ARHGEF26: variants seen among roughly 807,000 people sequenced by gnomAD.
ARHGEF26 encodes the protein Rho guanine nucleotide exchange factor (GEF) 26.
In ARHGEF26, 59 loss-of-function variants were observed where a neutral mutation model predicts 89.4. The ratio of observed to expected loss-of-function variants is 0.66; its 90% CI spans 0.54 to 0.82. ARHGEF26 has a LOEUF of 0.82. Among genes scored for constraint, ARHGEF26 ranks in the 40% least tolerant of loss-of-function variants. ARHGEF26 has a pLI of 0.00. For synonymous variants in ARHGEF26, 500 were observed against 428.4 expected, an observed-to-expected ratio of 1.17 and a Z score of -2.06; for missense variants, 1,234 against 1,085.6, an observed-to-expected ratio of 1.14 and a Z score of -1.92.
chr3:154,124,550 A>G, intron 3 of ARHGEF26, 101 bp downstream of exon 3: 1 of 1,052,954 alleles, frequency 9.5e-7, no homozygotes. Context: ...ACGATGAGAA[A>G]TATGTCCAAC....
chr3:154,200,727 A>G (rs1005091584), intron 9 of ARHGEF26, among the ~76,000 whole-genome samples: 2 of 151,648 alleles, frequency 1.3e-5, no homozygotes, highest in African/African-American at 4.8e-5. Flanking sequence ...ATCCATGAAC[A>G]TGGAATATTT....
chr3:154,150,058 TTGTG>T (rs10616486), intron 5 of ARHGEF26, among the ~76,000 whole-genome samples: 13 of 147,786 alleles, frequency 8.8e-5, no homozygotes, highest in South Asian at 2.2e-4. Context: ...CTGCATATTA[TTGTG>T]TGTGTGTGTG....
chr3:154,133,500 G>T (rs1167330693), intron 4 of ARHGEF26, among the ~76,000 whole-genome samples: 3 of 151,386 alleles, frequency 2.0e-5, no homozygotes, highest in Non-Finnish European at 3.0e-5. Flanking sequence ...TGGCAGGTTT[G>T]TAGAAGATCA....
Position 154,257,007 on chromosome 3 carries a change from C to CAA in ARHGEF26, c.*1536_*1537dup. On this transcript the variant is annotated 3_prime_UTR_variant, in exon 15 of 15. Transcript: ENST00000465093. The stretch of plus-strand genomic sequence containing the variant: ...GCTTTAACAAAGGGATAAAACCTGG[C>CAA]AAAGTGTACATTATTGGAGGACTCA... 6.7e-7 allele frequency: 1 copy of CAA among 1,501,598 alleles called. No individual in the cohort carries two copies. Among genetic ancestry groups the CAA allele is most frequent in the Non-Finnish European group, 8.8e-7 (1 of 1,132,034 alleles). 93.0% of individuals were successfully genotyped at this position (1,501,598 alleles called of 1,614,324 possible).
intron 11 of ARHGEF26, among the ~76,000 whole-genome samples, chr3:154,227,740 A>T (rs1006938684): frequency 4.3e-4 from 65 of 152,340 alleles, no homozygotes; most frequent in African/African-American, 1.5e-3. Context: ...AGAACTCTTG[A>T]CTTTTAACAT....
intron 4 of ARHGEF26, among the ~76,000 whole-genome samples, chr3:154,137,162 A>G (rs1719058628): frequency 6.6e-6 from 1 of 152,206 alleles, no homozygotes; most frequent in African/African-American, 2.4e-5. Context: ...AAGTAATTAG[A>G]TCATGAGGGC....
chr3:154,204,008 T>G lies in ARHGEF26; in HGVS notation c.1845+9290T>G, dbSNP rs1714841388. Among the ~76,000 whole-genome samples the G allele has an allele frequency of 2.0e-5, 3 of 152,250 alleles. 1 individual carries two copies. Among genetic ancestry groups the G allele is most frequent in the South Asian group, 4.1e-4 (2 of 4,826 alleles). On this transcript the variant is annotated intron_variant, in intron 9 of 14. Transcript: ENST00000465093. ...TTTTGGTATCACGGAAATATTGGCC[T>G]TGTAGAATTAGTTTGGAAGTATTCC...
chr3:154,124,476 A>G, intron 3 of ARHGEF26, 27 bp downstream of exon 3: 1 of 1,523,574 alleles, frequency 6.6e-7, no homozygotes, highest in Non-Finnish European at 8.8e-7. Flanking sequence ...CCAAACTTTC[A>G]TTGCTGTTTC....
chr3:154,250,230 T>C (rs894354679), intron 12 of ARHGEF26, among the ~76,000 whole-genome samples: 1 of 152,146 alleles, frequency 6.6e-6, no homozygotes, highest in Non-Finnish European at 1.5e-5. Context: ...GGTTTCTCCA[T>C]GTTGGTCAGG....
At position 154,256,667 on chromosome 3, in the gene ARHGEF26, G is replaced by T; in HGVS notation, c.*1194G>T. The T allele has an allele frequency of 1.8e-6, 2 of 1,115,232 alleles. No homozygotes were observed. Among genetic ancestry groups the T allele is most frequent in the Non-Finnish European group, 1.1e-6 (1 of 917,528 alleles). The allele number at this position is 1,115,232 out of a possible 1,614,324, so 69.1% of individuals were successfully genotyped here. On this transcript the variant is annotated 3_prime_UTR_variant, in exon 15 of 15. Transcript: ENST00000465093. Reference sequence around the variant, plus strand: ...AGCTGTTCCAACTCGTTTCCAAATAGAAATTAGCTGGAACACACTACAGTA... The same window carrying T: ...AGCTGTTCCAACTCGTTTCCAAATATAAATTAGCTGGAACACACTACAGTA...
At chr3:154,124,703 C>A (rs572157175) in intron 3 of ARHGEF26, among the ~76,000 whole-genome samples, 1 of 152,084 alleles carries the variant, frequency 6.6e-6, no homozygotes, top group African/African-American at 2.4e-5. Context: ...TTCTTCTCTA[C>A]CTTGGCTCCA....
At chr3:154,226,076 G>A (rs1716467090) in intron 11 of ARHGEF26, 66 bp downstream of exon 11, 1 of 1,360,974 alleles carries the variant, frequency 7.3e-7, no homozygotes, top group South Asian at 1.6e-5. Flanking sequence ...TCAGATGCCT[G>A]TTAGGGTGAT....
chr3:154,127,934 TTA>T (rs911730446), intron 3 of ARHGEF26, among the ~76,000 whole-genome samples: 2 of 152,194 alleles, frequency 1.3e-5, no homozygotes, highest in Non-Finnish European at 2.9e-5. Context: ...CGTGACTGTA[TTA>T]TGTTTCCTCT....
At chr3:154,238,977 A>G (rs920788237) in intron 11 of ARHGEF26, among the ~76,000 whole-genome samples, 2 of 152,214 alleles carry the variant, frequency 1.3e-5, no homozygotes, top group Non-Finnish European at 2.9e-5. Context: ...GAGTTAAATA[A>G]TGGTTGGTGT....
At chr3:154,213,163 G>T (rs1051999393) in intron 9 of ARHGEF26, among the ~76,000 whole-genome samples, 3 of 151,604 alleles carry the variant, frequency 2.0e-5, no homozygotes, top group African/African-American at 7.3e-5. Flanking sequence ...GGATCAAAAA[G>T]ACTTTGTGTT....
chr3:154,153,766 T>G (rs1720162515), intron 6 of ARHGEF26, among the ~76,000 whole-genome samples: 1 of 152,016 alleles, frequency 6.6e-6, no homozygotes, highest in African/African-American at 2.4e-5. Context: ...TATGATTATG[T>G]AAGAAAATAC....
chr3:154,215,642 T>C (rs1011356026), intron 9 of ARHGEF26, among the ~76,000 whole-genome samples: 6 of 152,146 alleles, frequency 3.9e-5, no homozygotes, highest in Admixed American at 2.6e-4. Context: ...GACCAAGATA[T>C]AGGCAGAACC....
At chr3:154,184,723 GCC>G (rs1320604103) in intron 6 of ARHGEF26, among the ~76,000 whole-genome samples, 2 of 152,154 alleles carry the variant, frequency 1.3e-5, no homozygotes, top group East Asian at 3.8e-4. Context: ...CGGCCTGCTT[GCC>G]ATCTGTTCCT....
At chr3:154,129,057 A>G (rs1000199425) in intron 3 of ARHGEF26, among the ~76,000 whole-genome samples, 6 of 152,204 alleles carry the variant, frequency 3.9e-5, no homozygotes, top group East Asian at 1.9e-4. Flanking sequence ...AGTTGAATGA[A>G]TAAATGCATG....
Sources: gnomAD v4.1 joint callset for allele counts (sites outside exome capture counted in the v4.1 genomes callset) on GRCh38, gnomAD v4.1.1 for gene constraint, MANE v1.5 for transcripts, NCBI Gene and HGNC (gene_info 2026-07-23, HGNC 2026-07-21) for gene names.